The following RABEP1 variants were observed in gnomAD, a reference collection of about 807,000 sequenced individuals.
RABEP1 encodes the protein rab GTPase-binding effector protein 1.
A neutral mutation model predicts 123.4 loss-of-function variants in RABEP1; 51 were observed. The observed-to-expected ratio is 0.41, with a 90% CI of 0.33 to 0.52. The LOEUF is 0.52. Among genes scored for constraint, RABEP1 ranks in the 20% least tolerant of loss-of-function variants. The pLI, the probability that RABEP1 is intolerant of heterozygous loss-of-function variation, is 0.16. For synonymous variants in RABEP1, 347 were observed against 355.2 expected, an observed-to-expected ratio of 0.98 and a Z score of 0.26; for missense variants, 888 against 996.3, an observed-to-expected ratio of 0.89 and a Z score of 1.46.
intron 9 of RABEP1, 37 bp downstream of exon 9, chr17:5,361,712 G>A (rs759826353): frequency 3.3e-6 from 5 of 1,501,480 alleles, no homozygotes; most frequent in Middle Eastern, 1.8e-4. Context: ...TCTTGCTCAC[G>A]CTGAGGCACA....
intron 10 of RABEP1, among the ~76,000 whole-genome samples, chr17:5,363,543 C>G (rs1334514935): frequency 6.6e-6 from 1 of 151,998 alleles, no homozygotes; most frequent in African/African-American, 2.4e-5. Flanking sequence ...TATATCTGCA[C>G]AGGTCTGCCC....
chr17:5,365,265 C>A, intron 11 of RABEP1, 27 bp downstream of exon 11: 1 of 1,412,140 alleles, frequency 7.1e-7, no homozygotes. Context: ...AGACTGTGGC[C>A]CATGAGGGAT....
At chr17:5,363,048 A>G (rs9903704) in intron 10 of RABEP1, 32 bp downstream of exon 10, 70,191 of 1,523,628 alleles carry the variant, frequency 0.046, 1,956 homozygotes, top group Non-Finnish European at 0.052. Context: ...CAAATTGGAT[A>G]TTGTCGTTTT....
chr17:5,338,120 A>G lies in RABEP1; in HGVS notation c.630A>G (p.Lys210=). Residue 210 remains lysine, a synonymous_variant, in exon 5 of 18, where the codon AAA becomes AAG. Coordinates refer to ENST00000537505, the MANE Select transcript of RABEP1 (RefSeq NM_004703.6). The part of the protein sequence containing the change: ...DKLTEAEDKI[K]ELEASKVKEL... ...TGACAGAGGCTGAAGACAAAATTAAAGAGCTGGAGGCCTCAAAGGTTATGA... is the reference window on the plus strand; with the variant it reads ...TGACAGAGGCTGAAGACAAAATTAAGGAGCTGGAGGCCTCAAAGGTTATGA... 1.2e-6 allele frequency: 2 copies of G among 1,613,314 alleles called. No homozygotes were observed. The highest frequency in any genetic ancestry group is 2.2e-5 in the South Asian group (2 of 91,002).
chr17:5,382,201 C>T (rs1025927298), intron 17 of RABEP1, among the ~76,000 whole-genome samples: 9 of 151,512 alleles, frequency 5.9e-5, no homozygotes, highest in Admixed American at 6.6e-5. Flanking sequence ...CCTGCCTCAT[C>T]CTCCTGGGTA....
intron 1 of RABEP1, among the ~76,000 whole-genome samples, chr17:5,292,406 T>C (rs1414526733): frequency 6.6e-6 from 1 of 152,038 alleles, no homozygotes; most frequent in Non-Finnish European, 1.5e-5. Flanking sequence ...ACTTTTTTTT[T>C]GAGATGGAGT....
intron 5 of RABEP1, among the ~76,000 whole-genome samples, chr17:5,342,027 G>A (rs1337570322): frequency 3.3e-5 from 5 of 152,164 alleles, no homozygotes; most frequent in Admixed American, 6.5e-5. Flanking sequence ...AGAAAGCAAC[G>A]AGACTGATTC....
chr17:5,332,596 A>T (rs1410190151), intron 3 of RABEP1, among the ~76,000 whole-genome samples: 3 of 105,916 alleles, frequency 2.8e-5, no homozygotes, highest in Admixed American at 1.0e-4. Context: ...ACGTTTTAGA[A>T]TTTTTTTTTT....
At chr17:5,287,469 C>T (rs189605567) in intron 1 of RABEP1, among the ~76,000 whole-genome samples, 4 of 151,898 alleles carry the variant, frequency 2.6e-5, no homozygotes, top group Admixed American at 1.3e-4. Context: ...CATGGTGGCA[C>T]GCGCCTGTAA....
chr17:5,321,881 C>G (rs2075357877), intron 2 of RABEP1, among the ~76,000 whole-genome samples: 1 of 152,092 alleles, frequency 6.6e-6, no homozygotes, highest in Non-Finnish European at 1.5e-5. Flanking sequence ...AACCCTGTCT[C>G]TAAAACAAAA....
At chr17:5,304,122 T>C (rs1442667249) in intron 1 of RABEP1, among the ~76,000 whole-genome samples, 1 of 152,170 alleles carries the variant, frequency 6.6e-6, no homozygotes, top group African/African-American at 2.4e-5. Context: ...CTTAGAAATA[T>C]TTTAAGTTAT....
At chr17:5,374,033 T>G (rs1910767221) in intron 13 of RABEP1, among the ~76,000 whole-genome samples, 1 of 152,168 alleles carries the variant, frequency 6.6e-6, no homozygotes, top group Non-Finnish European at 1.5e-5. Context: ...CTTGAAAAGT[T>G]ATAACACACT....
At chr17:5,379,594 C>A (rs1597301826) in intron 15 of RABEP1, among the ~76,000 whole-genome samples, 2 of 152,272 alleles carry the variant, frequency 1.3e-5, no homozygotes, top group South Asian at 4.1e-4. Context: ...TGATATTGCA[C>A]CAGCAGAAAT....
chr17:5,357,231 AT>A (rs1438625466), intron 8 of RABEP1, among the ~76,000 whole-genome samples: 1 of 151,712 alleles, frequency 6.6e-6, no homozygotes, highest in African/African-American at 2.4e-5. Context: ...TTTTGTGCAA[AT>A]TTTTTCCCCA....
rs1240031366 is a variant in RABEP1, at chr17:5,350,640, G to T, written c.963+11G>T. ...AAGAAGAAAGATCAGGTGAATAGAA[G>T]TTTTTAGGACTGATTTGCTTTGTCA... On this transcript the variant is annotated intron_variant, in intron 7 of 17. Transcript: ENST00000537505. 1 of 1,613,190 alleles carries T rather than the reference G, an allele frequency of 6.2e-7. No homozygotes were observed. The highest frequency in any genetic ancestry group is 1.7e-5 in the Admixed American group (1 of 59,822).
chr17:5,342,815 AG>A (rs1299897409), intron 5 of RABEP1, among the ~76,000 whole-genome samples: 3 of 152,210 alleles, frequency 2.0e-5, no homozygotes, highest in African/African-American at 7.2e-5. Context: ...ACCACAGTAA[AG>A]CTACTATAAT....
intron 1 of RABEP1, among the ~76,000 whole-genome samples, chr17:5,304,625 C>T (rs2075164869): frequency 1.3e-5 from 2 of 152,138 alleles, no homozygotes; most frequent in Middle Eastern, 3.4e-3. Flanking sequence ...GATAATTTCT[C>T]CCTTTTTCTT....
chr17:5,379,838 C>T (rs1233579334), intron 15 of RABEP1, among the ~76,000 whole-genome samples: 1 of 152,162 alleles, frequency 6.6e-6, no homozygotes, highest in African/African-American at 2.4e-5. Context: ...GGATCAAGTC[C>T]ATATCCTTAG....
At chr17:5,293,114 C>T (rs112065650) in intron 1 of RABEP1, among the ~76,000 whole-genome samples, 19,656 of 152,086 alleles carry the variant, frequency 0.13, 1,309 homozygotes, top group East Asian at 0.17. Context: ...ACATGAAACC[C>T]CGTCTCTACT....
Sources: allele counts gnomAD v4.1 joint callset (sites outside exome capture counted in the v4.1 genomes callset), GRCh38; gene constraint gnomAD v4.1.1; transcripts MANE v1.5; gene names NCBI Gene and HGNC (gene_info 2026-07-23, HGNC 2026-07-21).